The following LMO1 variants were observed in gnomAD, a reference collection of about 807,000 sequenced individuals.
LMO1 encodes the protein rhombotin-1.
A neutral mutation model predicts 18.0 loss-of-function variants in LMO1; 10 were observed. That is an observed-to-expected ratio of 0.55 (90% CI 0.34 to 0.94). The LOEUF (loss-of-function observed/expected upper bound fraction) is 0.94, where lower values mean the gene tolerates loss of function less well. LMO1 is among the 40% of genes least tolerant of loss of function. The pLI, the probability that LMO1 is intolerant of heterozygous loss-of-function variation, is 0.02. For synonymous variants in LMO1, 77 were observed against 77.9 expected (o/e 0.99, Z 0.06); for missense variants, 183 against 205.7 (o/e 0.89, Z 0.68).
At chr11:8,262,235 A>G (rs987911632) in intron 1 of LMO1, among the ~76,000 whole-genome samples, 6 of 152,180 alleles carry the variant, frequency 3.9e-5, no homozygotes, top group Admixed American at 3.9e-4. Context: ...CGCTGACTCA[A>G]AGCAAACCTA....
chr11:8,225,141 T>C (rs542038784), intron 3 of LMO1, among the ~76,000 whole-genome samples: 8 of 151,246 alleles, frequency 5.3e-5, no homozygotes, highest in South Asian at 2.1e-4. Context: ...GGGCCGGGTG[T>C]GGTGGCTCAC....
chr11:8,242,392 C>A (rs1191700665), intron 1 of LMO1, among the ~76,000 whole-genome samples: 1 of 152,208 alleles, frequency 6.6e-6, no homozygotes, highest in East Asian at 1.9e-4. Context: ...GACCTAGCCT[C>A]CCCAGCTCCC....
At chr11:8,246,214 A>G (rs78826611) in intron 1 of LMO1, among the ~76,000 whole-genome samples, 3,415 of 152,308 alleles carry the variant, frequency 0.022, 61 homozygotes, top group African/African-American at 0.048. Flanking sequence ...AAATGAAAAT[A>G]TAGGTCTTAA....
Position 8,263,440 on chromosome 11 carries a change from G to A in LMO1, c.-78C>T. On this transcript the variant is annotated 5_prime_UTR_variant, in exon 1 of 4. Coordinates refer to ENST00000335790, the MANE Select transcript of LMO1 (RefSeq NM_002315.3). ...GACTCGGGGCGCGCTTTGGAGGGGC[G>A]GCCGGTCTTCGGGCAGCTAGCGGGC... The A allele has an allele frequency of 2.5e-6, 4 of 1,577,184 alleles. No individual in the cohort carries two copies. The highest frequency in any genetic ancestry group is 1.4e-5 in the African/African-American group (1 of 73,410).
In LMO1 at chr11:8,226,813, A is replaced by T. The variant is rs1203607508; in HGVS notation, c.365+162T>A. Reference sequence around the variant, plus strand: ...TTGGCTACCGAGCTTACACACACATAAAACACATAAAGCACATGCACGCTC... The same window carrying T: ...TTGGCTACCGAGCTTACACACACATTAAACACATAAAGCACATGCACGCTC... On this transcript the variant is annotated intron_variant, in intron 3 of 3. Transcript: ENST00000335790. 1.2e-5 allele frequency: 16 copies of T among 1,341,058 alleles called. No individual in the cohort carries two copies. In the East Asian group the frequency reaches 4.2e-4, roughly 35 times the overall value. 83.1% of individuals were successfully genotyped at this position (1,341,058 alleles called of 1,614,324 possible). A position where few individuals can be genotyped will look rare whatever the true frequency, so the allele number is the denominator to read the frequency against.
chr11:8,249,486 G>A (rs1321182194), intron 1 of LMO1, among the ~76,000 whole-genome samples: 3 of 152,116 alleles, frequency 2.0e-5, no homozygotes, highest in African/African-American at 7.3e-5. Flanking sequence ...CCATTCAAAG[G>A]TGTCTCGTTG....
chr11:8,252,755 A>T (rs906753646), intron 1 of LMO1, among the ~76,000 whole-genome samples: 1 of 152,210 alleles, frequency 6.6e-6, no homozygotes, highest in Admixed American at 6.5e-5. Flanking sequence ...ACAACCCCAC[A>T]TGAATCTTGA....
In LMO1 at chr11:8,249,687, C is replaced by G. The variant is rs142344395; in HGVS notation, c.25+13651G>C. On this transcript the variant is annotated intron_variant, in intron 1 of 3. Transcript: ENST00000335790. ...TCTGCACAATGTAGCGCTGCCAACCCTGACCACCCTGCAGCCTCACTGATG... is the reference window on the plus strand; with the variant it reads ...TCTGCACAATGTAGCGCTGCCAACCGTGACCACCCTGCAGCCTCACTGATG... Among the ~76,000 whole-genome samples, 10 of 152,322 alleles carry G rather than the reference C, an allele frequency of 6.6e-5. No individual in the cohort carries two copies. In the East Asian group the frequency reaches 1.9e-3, roughly 29 times the overall value.
chr11:8,231,741 C>A (rs772665801), intron 1 of LMO1, among the ~76,000 whole-genome samples: 10 of 152,122 alleles, frequency 6.6e-5, no homozygotes, highest in Non-Finnish European at 1.2e-4. Context: ...CCAAAGGACC[C>A]CTGCTCTCTC....
chr11:8,240,985 G>A (rs1335852642), intron 1 of LMO1, among the ~76,000 whole-genome samples: 2 of 152,204 alleles, frequency 1.3e-5, no homozygotes, highest in Non-Finnish European at 2.9e-5. Flanking sequence ...CACTTGGAAT[G>A]AGGCTTACGT....
At chr11:8,229,438 G>A (rs1338479494) in intron 2 of LMO1, among the ~76,000 whole-genome samples, 1 of 152,156 alleles carries the variant, frequency 6.6e-6, no homozygotes, top group Non-Finnish European at 1.5e-5. Flanking sequence ...TAATTAATGC[G>A]ATGAGCCCTC....
In LMO1 at chr11:8,224,541, GTGGC is replaced by G. The variant is rs1307250760; in HGVS notation, c.*71_*74del. The G allele has an allele frequency of 9.2e-6, 8 of 867,918 alleles. No homozygotes were observed. The highest frequency in any genetic ancestry group is 1.7e-5 in the African/African-American group (1 of 60,042). 53.8% of individuals were successfully genotyped at this position (867,918 alleles called of 1,614,324 possible). On this transcript the variant is annotated 3_prime_UTR_variant, in exon 4 of 4. Coordinates refer to ENST00000335790, the MANE Select transcript of LMO1 (RefSeq NM_002315.3). ...CGGCTGGCCAGCCTGCACTGGTAGA[GTGGC>G]TGGCTGGCCGGCCAGGCAGGTGGGC...
chr11:8,233,453 C>T (rs913870109), intron 1 of LMO1, among the ~76,000 whole-genome samples: 6 of 152,224 alleles, frequency 3.9e-5, no homozygotes, highest in African/African-American at 1.4e-4. Context: ...CAATCCCTTG[C>T]TTCTCACAGG....
chr11:8,233,218 G>T (rs945267794), intron 1 of LMO1, among the ~76,000 whole-genome samples: 2 of 152,162 alleles, frequency 1.3e-5, no homozygotes, highest in Non-Finnish European at 1.5e-5. Flanking sequence ...GAACACCAGG[G>T]TCAGCCTGGC....
At chr11:8,233,524 T>C (rs946120398) in intron 1 of LMO1, among the ~76,000 whole-genome samples, 15 of 152,146 alleles carry the variant, frequency 9.9e-5, no homozygotes, top group African/African-American at 3.4e-4. Context: ...TCCTTCCTCA[T>C]AGGGCATCCA....
intron 1 of LMO1, among the ~76,000 whole-genome samples, chr11:8,242,950 A>G (rs1378689534): frequency 6.6e-6 from 1 of 152,228 alleles, no homozygotes; most frequent in African/African-American, 2.4e-5. Context: ...CCAGGCACAA[A>G]GAGGGGACCC....
At chr11:8,246,043 A>G (rs184044420) in intron 1 of LMO1, among the ~76,000 whole-genome samples, 2 of 152,294 alleles carry the variant, frequency 1.3e-5, no homozygotes, top group Admixed American at 6.5e-5. Context: ...CCAAGCGGAT[A>G]GTGCTAAGCC....
chr11:8,225,807 C>T (rs12361144), intron 3 of LMO1, among the ~76,000 whole-genome samples: 7,939 of 152,270 alleles, frequency 0.052, 280 homozygotes, highest in African/African-American at 0.099. Flanking sequence ...CCGGCCAGAG[C>T]CCCCAGCCAG....
intron 1 of LMO1, among the ~76,000 whole-genome samples, chr11:8,232,915 A>C (rs962212624): frequency 6.6e-6 from 1 of 152,120 alleles, no homozygotes; most frequent in African/African-American, 2.4e-5. Flanking sequence ...AGACCCCAGC[A>C]TGTTTGTCCT....
Sources: allele counts gnomAD v4.1 joint callset (sites outside exome capture counted in the v4.1 genomes callset), GRCh38; gene constraint gnomAD v4.1.1; transcripts MANE v1.5; gene names NCBI Gene and HGNC (gene_info 2026-07-23, HGNC 2026-07-21).